The following RORC variants were observed in gnomAD, a reference collection of about 807,000 sequenced individuals.
RORC encodes the protein nuclear receptor ROR-gamma.
Under a neutral mutation model 64.5 loss-of-function variants are expected in RORC, and 13 were observed. The observed-to-expected ratio is 0.20, with a 90% CI of 0.13 to 0.32. The LOEUF is 0.32. RORC is among the 10% of genes least tolerant of loss of function. The pLI is 1.00. For missense variants in RORC, 468 were observed against 669.5 expected, an observed-to-expected ratio of 0.70 and a Z score of 3.32; for synonymous variants, 277 against 259.3, an observed-to-expected ratio of 1.07 and a Z score of -0.65.
intron 2 of RORC, 148 bp downstream of exon 2, chr1:151,829,281 C>A: frequency 1.5e-6 from 1 of 668,538 alleles, no homozygotes; most frequent in South Asian, 2.4e-5. Context: ...GTGGTTTCCT[C>A]GCACCTCCCC....
intron 4 of RORC, among the ~76,000 whole-genome samples, chr1:151,815,808 G>A (rs1238758940): frequency 6.6e-6 from 1 of 152,182 alleles, no homozygotes; most frequent in Non-Finnish European, 1.5e-5. Flanking sequence ...AGGGTCGGAG[G>A]AAGAGGAGAG....
chr1:151,819,906 C>T (rs1651919075), intron 2 of RORC, among the ~76,000 whole-genome samples: 1 of 152,300 alleles, frequency 6.6e-6, no homozygotes, highest in East Asian at 1.9e-4. Context: ...CAGAAGTACC[C>T]AGTGAGACAG....
chr1:151,813,150 T>G, intron 8 of RORC, 89 bp downstream of exon 8: 3 of 1,461,648 alleles, frequency 2.1e-6, no homozygotes, highest in Non-Finnish European at 2.9e-6. Context: ...GAGGGGGCAA[T>G]TCGCCCTGAA....
intron 3 of RORC, 59 bp from the exon 4 acceptor site, chr1:151,816,864 A>G: frequency 6.9e-7 from 1 of 1,442,754 alleles, no homozygotes; most frequent in East Asian, 2.5e-5. Context: ...GCTCACTCAC[A>G]AAGGCCTCCA....
intron 4 of RORC, 138 bp downstream of exon 4, chr1:151,816,526 G>A: frequency 6.7e-6 from 6 of 892,534 alleles, no homozygotes. Context: ...GAGGAGACAA[G>A]GGGTTGTAAC....
At chr1:151,831,070 G>A in intron 1 of RORC, 2 of 1,289,156 alleles carry the variant, frequency 1.6e-6, no homozygotes, top group South Asian at 1.2e-5. Flanking sequence ...TGGACCATGG[G>A]TGGGGCCAAG....
rs1438036281 is a variant in RORC, at chr1:151,827,941, T to A, written c.70+1488A>T. Among the ~76,000 whole-genome samples, 8 of 136,704 alleles carry A rather than the reference T, an allele frequency of 5.9e-5. No individual in the cohort carries two copies. The South Asian group carries it at 1.1e-3, about 18-fold the overall frequency. The allele number at this position is 136,704 out of a possible 152,430, so 89.7% of individuals were successfully genotyped here. On this transcript the variant is annotated intron_variant, in intron 2 of 10. Coordinates refer to ENST00000318247, the MANE Select transcript of RORC (RefSeq NM_005060.4). ...AGTCCCCCTACTCCCCCCACCCACATAAGGTCCGTGACCCCCCTCCCCCAG... is the reference window on the plus strand; with the variant it reads ...AGTCCCCCTACTCCCCCCACCCACAAAAGGTCCGTGACCCCCCTCCCCCAG...
In RORC at chr1:151,807,421, G is replaced by T. The variant is rs747598939; in HGVS notation, c.*51C>A. On this transcript the variant is annotated 3_prime_UTR_variant, in exon 11 of 11. Coordinates refer to ENST00000318247, the MANE Select transcript of RORC (RefSeq NM_005060.4). The surrounding 1 kb of genome is among the most constrained non-coding windows in gnomAD (Gnocchi z 5.0). ...AAGGGTGAGGGTGGAACGGGGTCCA[G>T]GGAGGTGGGCCAGCAGGCCATAGGG... is the stretch of plus-strand genomic sequence containing the variant. The T allele has an allele frequency of 6.3e-7, 1 of 1,587,014 alleles. No individual in the cohort carries two copies. The highest frequency in any genetic ancestry group is 1.1e-5 in the South Asian group (1 of 89,336).
chr1:151,823,030 C>G (rs536247342), intron 2 of RORC, among the ~76,000 whole-genome samples: 1 of 151,980 alleles, frequency 6.6e-6, no homozygotes, highest in African/African-American at 2.4e-5. Context: ...TGTGCTGGGA[C>G]AAGCTGAGTC....
At chr1:151,811,533 G>A (rs937726103) in intron 9 of RORC, 99 bp from the exon 10 acceptor site, 1 of 719,024 alleles carries the variant, frequency 1.4e-6, no homozygotes, top group Non-Finnish European at 2.4e-6. Flanking sequence ...GCTGGATAGA[G>A]GTCTTCTAAG....
At position 151,830,803 on chromosome 1, in the gene RORC, CCCCG is replaced by C; in HGVS notation, c.40+918_40+921del. 2 of 402,132 alleles carry C rather than the reference CCCCG, an allele frequency of 5.0e-6. No individual in the cohort carries two copies. The highest frequency in any genetic ancestry group is 3.8e-5 in the Admixed American group (1 of 26,014). The allele number at this position is 402,132 out of a possible 1,614,324, so 24.9% of individuals were successfully genotyped here. ...CCCGAGGTGGCAAGGCCCCACCCAG[CCCCG>C]CCCACCTCCCCTTGCTCCTGCCTGG... On this transcript the variant is annotated intron_variant, in intron 1 of 10. Coordinates refer to ENST00000318247, the MANE Select transcript of RORC (RefSeq NM_005060.4). The surrounding 1 kb of genome is among the most constrained non-coding windows in gnomAD (Gnocchi z 4.0).
At chr1:151,810,094 T>C (rs1180428624) in intron 10 of RORC, among the ~76,000 whole-genome samples, 2 of 152,132 alleles carry the variant, frequency 1.3e-5, no homozygotes, top group Admixed American at 6.5e-5. Flanking sequence ...TTTGCCTCCT[T>C]ATTTTTCTCC....
intron 2 of RORC, among the ~76,000 whole-genome samples, chr1:151,821,738 C>T (rs1214825039): frequency 6.6e-6 from 1 of 152,162 alleles, no homozygotes; most frequent in Admixed American, 6.5e-5. Flanking sequence ...CAAATGCACA[C>T]CGGAGACCTG....
rs570024368 is a variant in RORC, at chr1:151,830,725, C to A, written c.40+1000G>T. On this transcript the variant is annotated intron_variant, in intron 1 of 10. Transcript: ENST00000318247. This position sits in a 1 kb window ranked among gnomAD's most constrained non-coding sequence, Gnocchi z 4.0. ...CCGTGGTCACTAGGCTGTGTGGAGG[C>A]GAGTGGCCTGATGGCCTGGGCTCTG... is the stretch of plus-strand genomic sequence containing the variant. Among the ~76,000 whole-genome samples, 13 of 151,654 alleles carry A rather than the reference C, an allele frequency of 8.6e-5. 1 individual carries two copies. The East Asian group carries it at 2.1e-3, about 25-fold the overall frequency.
chr1:151,808,526 G>C (rs1282814846), intron 10 of RORC, among the ~76,000 whole-genome samples: 2 of 152,160 alleles, frequency 1.3e-5, no homozygotes, highest in Non-Finnish European at 2.9e-5. Flanking sequence ...AGCAGGGTGT[G>C]ATCCCTTCAT....
At chr1:151,813,796 C>T in intron 6 of RORC, 176 bp from the exon 7 acceptor site, 1 of 684,172 alleles carries the variant, frequency 1.5e-6, no homozygotes. Flanking sequence ...CCAGTGAGTC[C>T]CACACACTGA....
intron 2 of RORC, among the ~76,000 whole-genome samples, chr1:151,827,585 G>A (rs149135513): frequency 0.011 from 1,696 of 152,302 alleles, 11 homozygotes; most frequent in Non-Finnish European, 0.018. Context: ...AATTTTCAGA[G>A]TCTCTCGGCC....
In RORC at chr1:151,815,343, C is replaced by A; in HGVS notation, c.381G>T (p.Gln127His). Residue 127 changes from glutamine (Q) to histidine (H), a missense_variant, in exon 5 of 11, where the codon CAG becomes CAT. By Grantham distance (24) the Gln-to-His change is conservative. This residue lies in a region of RORC where 241 missense variants were observed against 295.5 expected (regional missense o/e 0.82). Coordinates refer to ENST00000318247, the MANE Select transcript of RORC (RefSeq NM_005060.4). ...EVQKQLQQRQ[Q>H]QQQEPVVKTP... ...TCTTGACCACTGGTTCCTGTTGCTG[C>A]TGTTGCCGCTGCTGCAGCTGTTTCT... is the stretch of plus-strand genomic sequence containing the variant. The A allele has an allele frequency of 6.3e-7, 1 of 1,590,290 alleles. No homozygotes were observed. The highest frequency in any genetic ancestry group is 1.8e-5 in the Admixed American group (1 of 55,924).
At chr1:151,828,924 A>G (rs1652294604) in intron 2 of RORC, among the ~76,000 whole-genome samples, 1 of 150,632 alleles carries the variant, frequency 6.6e-6, no homozygotes, top group African/African-American at 2.4e-5. Flanking sequence ...GGTTGCAGTG[A>G]GCCGAGATTG....
Sources: allele counts gnomAD v4.1 joint callset (sites outside exome capture counted in the v4.1 genomes callset), GRCh38; gene constraint gnomAD v4.1.1; regional missense constraint gnomAD v4.1.1; non-coding constraint Gnocchi (gnomAD v3.1); transcripts MANE v1.5; gene names NCBI Gene and HGNC (gene_info 2026-07-23, HGNC 2026-07-21).